Variants in NTRK2 observed in about 807,000 individuals in gnomAD.
NTRK2 encodes neurotrophic receptor tyrosine kinase 2, also known as BDNF/NT-3 growth factors receptor.
Under a neutral mutation model 94.5 loss-of-function variants are expected in NTRK2, and 13 were observed. The observed-to-expected ratio is 0.14, with a 90% CI of 0.09 to 0.22. The LOEUF is 0.22. NTRK2 is among the 10% of genes least tolerant of loss of function. NTRK2 has a pLI of 1.00. For missense variants in NTRK2, 639 were observed against 1,071.2 expected, an observed-to-expected ratio of 0.60 and a Z score of 5.63; for synonymous variants, 372 against 407.4, an observed-to-expected ratio of 0.91 and a Z score of 1.05.
chr9:84,952,924 G>T (rs1823657074), intron 16 of NTRK2, among the ~76,000 whole-genome samples: 1 of 152,166 alleles, frequency 6.6e-6, no homozygotes, highest in Non-Finnish European at 1.5e-5. Flanking sequence ...AAGTAGATCA[G>T]TTTTCTGGAA....
intron 14 of NTRK2, among the ~76,000 whole-genome samples, chr9:84,916,552 G>A (rs180722798): frequency 2.0e-5 from 3 of 152,248 alleles, no homozygotes; most frequent in Non-Finnish European, 2.9e-5. Flanking sequence ...CAGCTCAGGC[G>A]GGAAGCTCAT....
chr9:84,843,735 G>C (rs1158519086), intron 12 of NTRK2, among the ~76,000 whole-genome samples: 1 of 152,154 alleles, frequency 6.6e-6, no homozygotes, highest in African/African-American at 2.4e-5. Flanking sequence ...GTAGAATAAA[G>C]AGTTGAAAAA....
chr9:84,790,160 T>C (rs1003642771), intron 12 of NTRK2, among the ~76,000 whole-genome samples: 1 of 152,200 alleles, frequency 6.6e-6, no homozygotes, highest in Non-Finnish European at 1.5e-5. Flanking sequence ...AGAACACTTT[T>C]AGTCAGAAAA....
At chr9:84,966,283 A>C (rs1469226651) in intron 17 of NTRK2, among the ~76,000 whole-genome samples, 1 of 152,098 alleles carries the variant, frequency 6.6e-6, no homozygotes, top group Non-Finnish European at 1.5e-5. Flanking sequence ...AATACCCCAG[A>C]GTGTCTTTTG....
At chr9:84,960,774 G>A (rs548217737) in intron 17 of NTRK2, among the ~76,000 whole-genome samples, 1 of 152,220 alleles carries the variant, frequency 6.6e-6, no homozygotes, top group Non-Finnish European at 1.5e-5. Context: ...CTTGCATCAA[G>A]GAAACTGGCT....
intron 12 of NTRK2, among the ~76,000 whole-genome samples, chr9:84,797,997 G>A: frequency 6.8e-6 from 1 of 148,086 alleles, no homozygotes; most frequent in Middle Eastern, 3.2e-3. Context: ...TGAGCCATTG[G>A]GACTGTCTTA....
At chr9:84,763,115 C>T (rs545160205) in intron 12 of NTRK2, among the ~76,000 whole-genome samples, 6 of 152,262 alleles carry the variant, frequency 3.9e-5, no homozygotes, top group South Asian at 2.1e-4. Flanking sequence ...ACTGTCTCTG[C>T]GTAGACATAC....
intron 15 of NTRK2, among the ~76,000 whole-genome samples, chr9:84,944,972 C>T (rs773284243): frequency 3.0e-4 from 45 of 152,248 alleles, no homozygotes; most frequent in Non-Finnish European, 4.6e-4. Flanking sequence ...TCAGAGAGCT[C>T]GAGGGCAGAG....
chr9:84,708,196 A>C (rs542317750), intron 5 of NTRK2, among the ~76,000 whole-genome samples: 1 of 152,332 alleles, frequency 6.6e-6, no homozygotes, highest in South Asian at 2.1e-4. Context: ...CAGGGAAAAA[A>C]GAGAAAAAGA....
chr9:85,004,457 A>T (rs1830740414), intron 17 of NTRK2, among the ~76,000 whole-genome samples: 1 of 152,154 alleles, frequency 6.6e-6, no homozygotes, highest in Non-Finnish European at 1.5e-5. Context: ...ACTTTTATAT[A>T]TTTTATTTAA....
chr9:84,959,624 A>G (rs1824643988), intron 17 of NTRK2, among the ~76,000 whole-genome samples: 2 of 152,242 alleles, frequency 1.3e-5, no homozygotes, highest in Non-Finnish European at 2.9e-5. Context: ...TCGGAACACT[A>G]CATTTGCATT....
chr9:84,724,366 C>G lies in NTRK2; in HGVS notation c.853+10C>G. 6.2e-7 allele frequency: 1 copy of G among 1,614,070 alleles called. No homozygotes were observed. Among genetic ancestry groups the G allele is most frequent in the Non-Finnish European group, 8.5e-7 (1 of 1,179,952 alleles). On this transcript the variant is annotated intron_variant, in intron 8 of 18. Coordinates refer to ENST00000277120, the MANE Select transcript of NTRK2 (RefSeq NM_006180.6). ...AACCTCACTGTGCATTGTACGTAAT[C>G]AGACTGGCATGTGTTTTTAATAGCA...
chr9:84,972,659 T>A (rs1826320917), intron 17 of NTRK2, among the ~76,000 whole-genome samples: 1 of 152,222 alleles, frequency 6.6e-6, no homozygotes, highest in African/African-American at 2.4e-5. Context: ...AATGTATAAA[T>A]ACTACCAACT....
intron 12 of NTRK2, among the ~76,000 whole-genome samples, chr9:84,843,381 C>T (rs1254053485): frequency 6.6e-6 from 1 of 152,202 alleles, no homozygotes; most frequent in Non-Finnish European, 1.5e-5. Flanking sequence ...CCCTGAGCTG[C>T]AGGCCTTTCT....
In NTRK2 at chr9:84,988,133, C is replaced by T. The variant is rs117865106; in HGVS notation, c.2173-32073C>T. Among the ~76,000 whole-genome samples, 74 of 152,296 alleles carry T rather than the reference C, an allele frequency of 4.9e-4. No individual in the cohort carries two copies. The East Asian group carries it at 0.013, about 26-fold the overall frequency. On this transcript the variant is annotated intron_variant, in intron 17 of 18. Transcript: ENST00000277120. ...GTTTCAGTAGAGTGCCACAAAGAAG[C>T]TTGAGCTACATCTTGAAGGATATTT... is the stretch of plus-strand genomic sequence containing the variant.
chr9:84,892,040 G>A (rs2076611094), intron 14 of NTRK2, among the ~76,000 whole-genome samples: 1 of 152,072 alleles, frequency 6.6e-6, no homozygotes, highest in Non-Finnish European at 1.5e-5. Context: ...TAAGGGTGGA[G>A]GAGTTTTTTC....
chr9:84,955,522 G>C lies in NTRK2; in HGVS notation c.2172+5G>C, dbSNP rs2132980100. On this transcript the variant is annotated splice_donor_5th_base_variant and intron_variant, in intron 17 of 18. Transcript: ENST00000277120. ...TACAGCACTGACTACTACAGGGTGA[G>C]TAGCTGTGCAGATCAGAGACCCCAG... 6.2e-7 allele frequency: 1 copy of C among 1,610,684 alleles called. No individual in the cohort carries two copies. Among genetic ancestry groups the C allele is most frequent in the Non-Finnish European group, 8.5e-7 (1 of 1,177,046 alleles).
At position 84,870,320 on chromosome 9, in the gene NTRK2, G is replaced by GGGGT. The variant is rs1554757546; in HGVS notation, c.1633+2890_1633+2891insGGTG. On this transcript the variant is annotated intron_variant, in intron 14 of 18. Coordinates refer to ENST00000277120, the MANE Select transcript of NTRK2 (RefSeq NM_006180.6). Reference sequence around the variant, plus strand: ...TACATGTACATATACATATATGTGGGGTGTGTGTGTGTATATATATATATA... The same window carrying GGGGT: ...TACATGTACATATACATATATGTGGGGGGTGTGTGTGTGTGTATATATATATATA... Among the ~76,000 whole-genome samples the GGGGT allele has an allele frequency of 3.6e-3, 165 of 46,302 alleles. 6 individuals carry two copies. Among genetic ancestry groups the GGGGT allele is most frequent in the Non-Finnish European group, 5.2e-3 (124 of 23,890 alleles). The allele number at this position is 46,302 out of a possible 152,430, so 30.4% of individuals were successfully genotyped here.
chr9:84,978,590 G>A (rs557065560), intron 17 of NTRK2, among the ~76,000 whole-genome samples: 6 of 152,234 alleles, frequency 3.9e-5, no homozygotes, highest in South Asian at 4.1e-4. Flanking sequence ...GAGAAGCTAC[G>A]GCAAGTTACC....
Sources: gnomAD v4.1 joint callset for allele counts (sites outside exome capture counted in the v4.1 genomes callset) on GRCh38, gnomAD v4.1.1 for gene constraint, MANE v1.5 for transcripts, NCBI Gene and HGNC (gene_info 2026-07-23, HGNC 2026-07-21) for gene names.